NVL: variants seen among roughly 807,000 people sequenced by gnomAD.
NVL encodes nuclear valosin-containing protein-like.
In NVL, 84 loss-of-function variants were observed where a neutral mutation model predicts 110.2. That is an observed-to-expected ratio of 0.76 (90% CI 0.64 to 0.91). NVL has a LOEUF of 0.91. NVL is among the 40% of genes least tolerant of loss of function. The pLI is 0.00. For missense variants in NVL, 882 were observed against 1,035.9 expected (o/e 0.85, Z 2.04); for synonymous variants, 354 against 361.1 (o/e 0.98, Z 0.22).
At chr1:224,240,127 G>A (rs1203729288) in intron 19 of NVL, among the ~76,000 whole-genome samples, 1 of 143,686 alleles carries the variant, frequency 7.0e-6, no homozygotes, top group Non-Finnish European at 1.5e-5. Flanking sequence ...GAGTGCAGTG[G>A]TGCGATCTCA....
chr1:224,271,866 T>C (rs1219117456), intron 17 of NVL, among the ~76,000 whole-genome samples: 1 of 150,362 alleles, frequency 6.7e-6, no homozygotes, highest in African/African-American at 2.5e-5. Flanking sequence ...CACAAAAAAT[T>C]AGCCAGGCGT....
intron 11 of NVL, among the ~76,000 whole-genome samples, chr1:224,295,550 G>T (rs1455680485): frequency 2.0e-5 from 3 of 151,902 alleles, no homozygotes; most frequent in Non-Finnish European, 2.9e-5. Context: ...TTCTCAGAAT[G>T]CAGGCCTCAA....
At chr1:224,310,498 C>T (rs776070984) in intron 5 of NVL, among the ~76,000 whole-genome samples, 1 of 152,128 alleles carries the variant, frequency 6.6e-6, no homozygotes, top group African/African-American at 2.4e-5. Context: ...CTATTAATTA[C>T]TCTATTCTTG....
At chr1:224,315,276 A>G (rs1669959187) in intron 4 of NVL, among the ~76,000 whole-genome samples, 1 of 152,168 alleles carries the variant, frequency 6.6e-6, no homozygotes. Context: ...GCTGCCAACA[A>G]TACATTAAAA....
intron 17 of NVL, among the ~76,000 whole-genome samples, chr1:224,274,058 A>ACACACACACACC (rs569757319): frequency 1.2e-4 from 18 of 151,568 alleles, no homozygotes; most frequent in East Asian, 3.9e-4. Context: ...ACACACACAC[A>ACACACACACACC]CCCATATTGA....
At chr1:224,268,219 C>T (rs769528858) in intron 17 of NVL, 86 bp from the exon 18 acceptor site, 5 of 931,594 alleles carry the variant, frequency 5.4e-6, no homozygotes, top group Admixed American at 4.4e-5. Flanking sequence ...ATACATTTCC[C>T]CATGCAAAGG....
At chr1:224,243,418 A>G (rs1360143498) in intron 19 of NVL, among the ~76,000 whole-genome samples, 1 of 152,036 alleles carries the variant, frequency 6.6e-6, no homozygotes, top group Non-Finnish European at 1.5e-5. Flanking sequence ...CCAAGACCGC[A>G]CCACTGCCCT....
At chr1:224,263,708 T>C (rs565515831) in intron 18 of NVL, among the ~76,000 whole-genome samples, 2 of 152,362 alleles carry the variant, frequency 1.3e-5, no homozygotes, top group South Asian at 2.1e-4. Context: ...AAATTCTCCA[T>C]GGACTGTAGA....
chr1:224,292,880 A>G (rs936583372), intron 12 of NVL, among the ~76,000 whole-genome samples: 6 of 151,812 alleles, frequency 4.0e-5, no homozygotes, highest in Admixed American at 3.9e-4. Flanking sequence ...TTTCCTAAGT[A>G]GCTGGGATTA....
intron 8 of NVL, among the ~76,000 whole-genome samples, 154 bp downstream of exon 8, chr1:224,304,582 A>G (rs1668734901): frequency 6.6e-6 from 1 of 152,160 alleles, no homozygotes; most frequent in African/African-American, 2.4e-5. Flanking sequence ...TTCTCCTGCA[A>G]TGCCCTAAAG....
chr1:224,273,638 T>C (rs980251744), intron 17 of NVL, among the ~76,000 whole-genome samples: 1 of 152,016 alleles, frequency 6.6e-6, no homozygotes, highest in Non-Finnish European at 1.5e-5. Flanking sequence ...TTCAAACCAA[T>C]TGAAGGGGCT....
At chr1:224,322,665 T>C (rs1053912018) in intron 2 of NVL, among the ~76,000 whole-genome samples, 7 of 152,116 alleles carry the variant, frequency 4.6e-5, no homozygotes, top group Middle Eastern at 6.3e-3. Context: ...GTTAGAAATA[T>C]GGACACCGCA....
At chr1:224,317,063 C>G (rs1021893961) in intron 4 of NVL, among the ~76,000 whole-genome samples, 1 of 149,910 alleles carries the variant, frequency 6.7e-6, no homozygotes, top group African/African-American at 2.5e-5. Context: ...CGCTTGAACC[C>G]GGGGGGCAGA....
At chr1:224,275,512 G>A in intron 16 of NVL, 54 bp from the exon 17 acceptor site, 1 of 1,609,624 alleles carries the variant, frequency 6.2e-7, no homozygotes, top group Non-Finnish European at 8.5e-7. Context: ...TTGTGGTTTG[G>A]GTCAAATGAT....
intron 19 of NVL, among the ~76,000 whole-genome samples, chr1:224,246,566 C>G (rs1298976662): frequency 6.6e-6 from 1 of 152,224 alleles, no homozygotes; most frequent in African/African-American, 2.4e-5. Context: ...CAACTTTTCT[C>G]TTTAGTTCAT....
chr1:224,319,473 A>AT (rs1274092516), intron 2 of NVL, among the ~76,000 whole-genome samples: 1 of 151,558 alleles, frequency 6.6e-6, no homozygotes, highest in Non-Finnish European at 1.5e-5. Context: ...ACACCCGGCT[A>AT]TTTTTTTGTA....
chr1:224,305,942 ATC>A (rs1391032808), intron 6 of NVL, among the ~76,000 whole-genome samples: 1 of 152,268 alleles, frequency 6.6e-6, no homozygotes, highest in Non-Finnish European at 1.5e-5. Context: ...TGATTCACTT[ATC>A]TCTGTCTTTC....
At chr1:224,253,335 C>CCA (rs1276052357) in intron 18 of NVL, among the ~76,000 whole-genome samples, 1 of 151,604 alleles carries the variant, frequency 6.6e-6, no homozygotes, top group Admixed American at 6.6e-5. Flanking sequence ...CAGGCCTGAG[C>CCA]CACGGCTCCC....
intron 13 of NVL, 101 bp from the exon 14 acceptor site, chr1:224,288,094 G>C: frequency 1.2e-6 from 1 of 821,730 alleles, no homozygotes; most frequent in Non-Finnish European, 1.9e-6. Flanking sequence ...TAATATTTCC[G>C]TAAGCTATCC....
Sources: allele counts gnomAD v4.1 joint callset (sites outside exome capture counted in the v4.1 genomes callset), GRCh38; gene constraint gnomAD v4.1.1; transcripts MANE v1.5; gene names NCBI Gene and HGNC (gene_info 2026-07-23, HGNC 2026-07-21).